MYO10: variants seen among roughly 807,000 people sequenced by gnomAD.
MYO10 encodes the protein unconventional myosin-X.
Under a neutral mutation model 257.3 loss-of-function variants are expected in MYO10, and 133 were observed. That is an observed-to-expected ratio of 0.52 (90% CI 0.45 to 0.60). The LOEUF is 0.60. Among genes scored for constraint, MYO10 ranks in the 20% least tolerant of loss-of-function variants. The probability of loss-of-function intolerance (pLI) is 0.00; values close to 1 mark genes in which losing one functional copy is unlikely to be tolerated. For missense variants in MYO10, 2,399 were observed against 2,635.7 expected, an observed-to-expected ratio of 0.91 and a Z score of 1.97; for synonymous variants, 1,104 against 1,028.6, an observed-to-expected ratio of 1.07 and a Z score of -1.40.
At chr5:16,792,583 C>T (rs1313656687) in intron 4 of MYO10, among the ~76,000 whole-genome samples, 2 of 140,654 alleles carry the variant, frequency 1.4e-5, no homozygotes, top group East Asian at 4.9e-4. Context: ...CCCACAGGAG[C>T]GGGGGGCGGG....
At chr5:16,868,679 C>T (rs539677690) in intron 2 of MYO10, among the ~76,000 whole-genome samples, 1 of 152,204 alleles carries the variant, frequency 6.6e-6, no homozygotes, top group South Asian at 2.1e-4. Context: ...TGATTTCTAA[C>T]TTGCAGGATA....
At position 16,788,970 on chromosome 5, in the gene MYO10, G is replaced by A. The variant is rs185592034; in HGVS notation, c.468-5501C>T. On this transcript the variant is annotated intron_variant, in intron 4 of 40. Coordinates refer to ENST00000513610, the MANE Select transcript of MYO10 (RefSeq NM_012334.3). The stretch of plus-strand genomic sequence containing the variant: ...GGCTCAGAGATGCAGCAATGTCCTC[G>A]GGTGAGCAGAGAGGAGGGATCCATG... Among the ~76,000 whole-genome samples, 9 of 152,236 alleles carry A rather than the reference G, an allele frequency of 5.9e-5. 1 individual carries two copies. Among genetic ancestry groups the A allele is most frequent in the South Asian group, 4.1e-4 (2 of 4,824 alleles).
intron 2 of MYO10, among the ~76,000 whole-genome samples, chr5:16,848,151 A>ATTTTTTTTTTT (rs1561016484): frequency 1.3e-4 from 12 of 91,650 alleles, no homozygotes; most frequent in Non-Finnish European, 1.4e-4. Context: ...AGAACTACAC[A>ATTTTTTTTTTT]TTTCTTTTTT....
chr5:16,799,552 G>A (rs945595644), intron 3 of MYO10, among the ~76,000 whole-genome samples: 1 of 151,724 alleles, frequency 6.6e-6, no homozygotes, highest in South Asian at 2.1e-4. Context: ...GAGAACAGTG[G>A]CACAATCTCG....
intron 28 of MYO10, among the ~76,000 whole-genome samples, chr5:16,686,581 C>G (rs1213736400): frequency 6.6e-6 from 1 of 151,768 alleles, no homozygotes; most frequent in African/African-American, 2.4e-5. Flanking sequence ...CTTGCCCAAG[C>G]TGGAGTACAA....
At chr5:16,826,475 C>T (rs1386571441) in intron 2 of MYO10, among the ~76,000 whole-genome samples, 2 of 152,174 alleles carry the variant, frequency 1.3e-5, no homozygotes, top group Non-Finnish European at 2.9e-5. Context: ...CAAAGAACAA[C>T]ACAGAGCATT....
intron 19 of MYO10, among the ~76,000 whole-genome samples, chr5:16,722,647 T>A (rs1218945550): frequency 6.6e-6 from 1 of 152,366 alleles, no homozygotes; most frequent in Admixed American, 6.5e-5. Context: ...TGCAAAGATA[T>A]AATCTAGATG....
At chr5:16,934,114 C>T (rs1746368064) in intron 1 of MYO10, among the ~76,000 whole-genome samples, 1 of 152,210 alleles carries the variant, frequency 6.6e-6, no homozygotes, top group Non-Finnish European at 1.5e-5. Context: ...GCCCCTTACA[C>T]TGAACTAAGG....
chr5:16,864,833 G>A (rs1421388787), intron 2 of MYO10, among the ~76,000 whole-genome samples: 5 of 152,186 alleles, frequency 3.3e-5, no homozygotes, highest in East Asian at 1.9e-4. Flanking sequence ...TCAGAACCAC[G>A]TGGCTTCCAG....
chr5:16,785,553 A>G (rs1741553373), intron 4 of MYO10, among the ~76,000 whole-genome samples: 1 of 152,226 alleles, frequency 6.6e-6, no homozygotes, highest in Non-Finnish European at 1.5e-5. Flanking sequence ...AGCCGAAAAC[A>G]TTTAGACTCC....
chr5:16,817,544 T>G (rs1742661606), intron 3 of MYO10, among the ~76,000 whole-genome samples: 1 of 152,180 alleles, frequency 6.6e-6, no homozygotes, highest in African/African-American at 2.4e-5. Flanking sequence ...AAAGATGGGT[T>G]CCCTTGAATG....
intron 19 of MYO10, among the ~76,000 whole-genome samples, chr5:16,721,532 A>T (rs1389658294): frequency 6.6e-6 from 1 of 152,182 alleles, no homozygotes; most frequent in East Asian, 1.9e-4. Flanking sequence ...GGCAGAAACT[A>T]ATTTCCCCTA....
Position 16,701,055 on chromosome 5 carries a change from C to A in MYO10, c.3340G>T (p.Gly1114Cys), listed in dbSNP as rs774020439. The A allele has an allele frequency of 1.6e-4, 248 of 1,567,996 alleles. No homozygotes were observed. Among genetic ancestry groups the A allele is most frequent in the Non-Finnish European group, 2.0e-4 (233 of 1,157,148 alleles). The change falls in exon 25 of 41, where the codon GGC (glycine) becomes TGC (cysteine). Residue 1114 changes from glycine (G) to cysteine (C), a missense_variant. Gly to Cys is a radical substitution (Grantham distance 159, BLOSUM62 -3). This residue lies in a region of MYO10 where 1,820 missense variants were observed against 1,939.4 expected (regional missense o/e 0.94). Coordinates refer to ENST00000513610, the MANE Select transcript of MYO10 (RefSeq NM_012334.3). The surrounding 1 kb of genome is among the most constrained non-coding windows in gnomAD (Gnocchi z 8.1). ...GSSVTFSNSY[G>C]SQWSPDYRCS... ...CGGTAGTCGGGGGACCACTGGCTGCCGTAGGAGTTGGAGAAGGTCACGCTG... is the reference window on the plus strand; with the variant it reads ...CGGTAGTCGGGGGACCACTGGCTGCAGTAGGAGTTGGAGAAGGTCACGCTG...
At chr5:16,839,114 T>A (rs1401061619) in intron 2 of MYO10, among the ~76,000 whole-genome samples, 4 of 152,138 alleles carry the variant, frequency 2.6e-5, no homozygotes. Context: ...GACTCTCAAG[T>A]CTTATTATTT....
chr5:16,674,408 G>A (rs952596495), intron 35 of MYO10, among the ~76,000 whole-genome samples: 1 of 152,096 alleles, frequency 6.6e-6, no homozygotes, highest in Non-Finnish European at 1.5e-5. Flanking sequence ...GGCAGATGTT[G>A]CAATGAGCCG....
intron 21 of MYO10, among the ~76,000 whole-genome samples, chr5:16,708,688 A>G (rs936885914): frequency 1.3e-5 from 2 of 152,166 alleles, no homozygotes; most frequent in African/African-American, 4.8e-5. Context: ...TAGCCACGCG[A>G]GTAGCTGGGA....
intron 2 of MYO10, among the ~76,000 whole-genome samples, chr5:16,844,213 A>G (rs1743563635): frequency 6.6e-6 from 1 of 152,196 alleles, no homozygotes; most frequent in Non-Finnish European, 1.5e-5. Context: ...ATTTTCTTCC[A>G]AACTATTTTT....
chr5:16,843,680 A>G (rs188216630), intron 2 of MYO10, among the ~76,000 whole-genome samples: 1 of 152,356 alleles, frequency 6.6e-6, no homozygotes, highest in East Asian at 1.9e-4. Context: ...AGTTAAAATG[A>G]AACAGTATTT....
chr5:16,827,078 C>T (rs1045512003), intron 2 of MYO10, among the ~76,000 whole-genome samples: 5 of 152,166 alleles, frequency 3.3e-5, no homozygotes, highest in African/African-American at 1.2e-4. Context: ...ATTGTTTTTG[C>T]TGCTTCCTCA....
Sources: gnomAD v4.1 joint callset for allele counts (sites outside exome capture counted in the v4.1 genomes callset) on GRCh38, gnomAD v4.1.1 for gene constraint, gnomAD v4.1.1 regional missense constraint, Gnocchi (gnomAD v3.1) non-coding constraint, MANE v1.5 for transcripts, NCBI Gene and HGNC (gene_info 2026-07-23, HGNC 2026-07-21) for gene names.